RCBTB1: variants seen among roughly 807,000 people sequenced by gnomAD.
RCBTB1 encodes the protein RCC1 and BTB domain-containing protein 1.
In RCBTB1, 46 loss-of-function variants were observed where a neutral mutation model predicts 62.4. The observed-to-expected ratio is 0.74, with a 90% CI of 0.58 to 0.94. The LOEUF is 0.94. Ranked by LOEUF, RCBTB1 falls within the 40% of genes least tolerant of loss-of-function variation. The pLI, the probability that RCBTB1 is intolerant of heterozygous loss-of-function variation, is 0.00. For synonymous variants in RCBTB1, 222 were observed against 245.8 expected (o/e 0.90, Z 0.91); for missense variants, 565 against 654.9 (o/e 0.86, Z 1.50).
At chr13:49,535,125 C>A (rs1959838336) in intron 12 of RCBTB1, among the ~76,000 whole-genome samples, 1 of 152,156 alleles carries the variant, frequency 6.6e-6, no homozygotes, top group Non-Finnish European at 1.5e-5. Flanking sequence ...AACACTACAA[C>A]TTCCACCACA....
intron 4 of RCBTB1, among the ~76,000 whole-genome samples, chr13:49,562,219 G>A (rs899478921): frequency 1.3e-5 from 2 of 151,990 alleles, no homozygotes; most frequent in Non-Finnish European, 2.9e-5. Flanking sequence ...TAAAGATCAA[G>A]AAAGAACACT....
At chr13:49,549,753 A>G in intron 8 of RCBTB1, 105 bp from the exon 9 acceptor site, 1 of 1,471,156 alleles carries the variant, frequency 6.8e-7, no homozygotes, top group Non-Finnish European at 9.0e-7. Context: ...CTCAGAAAAC[A>G]GTCCAAGTTC....
chr13:49,545,814 T>C (rs1960743546), intron 9 of RCBTB1, among the ~76,000 whole-genome samples: 1 of 152,174 alleles, frequency 6.6e-6, no homozygotes, highest in African/African-American at 2.4e-5. Flanking sequence ...CCATTTTCCC[T>C]TGGTAGCGTG....
chr13:49,546,851 C>T (rs1019189797), intron 9 of RCBTB1: 13 of 659,604 alleles, frequency 2.0e-5, no homozygotes, highest in Non-Finnish European at 2.4e-5. Context: ...TGCCGTGCAA[C>T]CCAGTTAATA....
At chr13:49,536,428 T>C (rs1193835906) in intron 12 of RCBTB1, among the ~76,000 whole-genome samples, 1 of 152,238 alleles carries the variant, frequency 6.6e-6, no homozygotes, top group African/African-American at 2.4e-5. Flanking sequence ...ACAAACGCCC[T>C]TCCGACTTGA....
rs1959598110 is a variant in RCBTB1 at position 49,532,001 on chromosome 13, C to T, written c.*2121G>A. On this transcript the variant is annotated 3_prime_UTR_variant, in exon 13 of 13. Transcript: ENST00000378302. ...TGTCGTTCTAAATATTACATAAATA[C>T]AGCTTACATACTAGAGTATCAAACA... 6.6e-6 allele frequency: 1 copy of T among 152,568 alleles called. No homozygotes were observed. Among genetic ancestry groups the T allele is most frequent in the Admixed American group, 6.5e-5 (1 of 15,276 alleles). 9.5% of individuals were successfully genotyped at this position (152,568 alleles called of 1,614,324 possible). A position where few individuals can be genotyped will look rare whatever the true frequency, so the allele number is the denominator to read the frequency against.
intron 12 of RCBTB1, among the ~76,000 whole-genome samples, chr13:49,540,516 G>A (rs1960262281): frequency 6.6e-6 from 1 of 152,232 alleles, no homozygotes; most frequent in Admixed American, 6.5e-5. Flanking sequence ...GAGGTGGAAA[G>A]ACAGCAAGGT....
chr13:49,584,835 C>G lies in RCBTB1; in HGVS notation c.-122+609G>C, dbSNP rs567997783. On this transcript the variant is annotated intron_variant, in intron 1 of 12. Coordinates refer to ENST00000378302, the MANE Select transcript of RCBTB1 (RefSeq NM_018191.4). ...AAAGGCCACTTATGCGAGCAGAACA[C>G]AGCGTGCTCGATAGTCATCTTAAAC... 2.6e-5 allele frequency among the ~76,000 whole-genome samples: 4 copies of G among 152,326 alleles called. No individual in the cohort carries two copies. In the East Asian group the frequency reaches 7.7e-4, roughly 29 times the overall value.
chr13:49,580,714 C>G (rs1463713957), intron 1 of RCBTB1, 130 bp from the exon 2 acceptor site: 2 of 152,134 alleles, frequency 1.3e-5, no homozygotes, highest in Admixed American at 1.3e-4. Flanking sequence ...TGTGGATACC[C>G]CAAAAGTGAT....
Position 49,541,827 on chromosome 13 carries a change from C to T in RCBTB1, c.1173G>A (p.Arg391=). Residue 391 remains arginine, a splice_region_variant and synonymous_variant, in exon 11 of 13, where the codon AGG becomes AGA. Transcript: ENST00000378302. ...GGAACATGGATCGAAAATGCTCACA[C>T]CTAAAACAGCAAAGCAAAAGTCTTA... ...IHVHKAVLKI[R]CEHFRSMFQS... is the part of the protein sequence containing the mutation. 6.2e-7 allele frequency: 1 copy of T among 1,600,394 alleles called. No homozygotes were observed.
At chr13:49,552,105 C>A in intron 7 of RCBTB1, 73 bp downstream of exon 7, 1 of 931,238 alleles carries the variant, frequency 1.1e-6, no homozygotes, top group Non-Finnish European at 1.7e-6. Flanking sequence ...GAAGAGTAAA[C>A]CTCCAATATT....
intron 2 of RCBTB1, among the ~76,000 whole-genome samples, chr13:49,576,151 C>A (rs1304705215): frequency 1.6e-5 from 2 of 123,478 alleles, no homozygotes; most frequent in African/African-American, 6.2e-5. Flanking sequence ...TGCACCACTG[C>A]ACTCCAGCCT....
intron 12 of RCBTB1, 142 bp downstream of exon 12, chr13:49,540,734 G>T: frequency 1.2e-6 from 1 of 817,730 alleles, no homozygotes. Flanking sequence ...AGCAAGGGCA[G>T]ATTTCAGTTT....
chr13:49,565,139 C>T (rs563042907), intron 4 of RCBTB1, among the ~76,000 whole-genome samples: 36 of 152,284 alleles, frequency 2.4e-4, no homozygotes, highest in African/African-American at 7.9e-4. Flanking sequence ...CTCAGCCTGC[C>T]GAGTGCCTGC....
At chr13:49,548,442 G>A (rs1322802298) in intron 9 of RCBTB1, among the ~76,000 whole-genome samples, 1 of 149,968 alleles carries the variant, frequency 6.7e-6, no homozygotes, top group Non-Finnish European at 1.5e-5. Flanking sequence ...ATTATATCAA[G>A]TTCTGTAAGA....
intron 1 of RCBTB1, among the ~76,000 whole-genome samples, chr13:49,581,465 T>C (rs577518343): frequency 6.6e-6 from 1 of 152,308 alleles, no homozygotes; most frequent in Non-Finnish European, 1.5e-5. Context: ...TGAGTCCTAC[T>C]ATGGACATTT....
chr13:49,566,459 C>T lies in RCBTB1; in HGVS notation c.277+159G>A, dbSNP rs565221016. On this transcript the variant is annotated intron_variant, in intron 4 of 12. Transcript: ENST00000378302. ...TCCTATAGCTTTTCCAGAGTTAGCC[C>T]GAAGTGTTTAACTTTCACCTGCTTT... Among the ~76,000 whole-genome samples, 8 of 152,166 alleles carry T rather than the reference C, an allele frequency of 5.3e-5. No homozygotes were observed. In the South Asian group the frequency reaches 1.4e-3, roughly 28 times the overall value.
Position 49,533,179 on chromosome 13 carries a change from A to G in RCBTB1, c.*943T>C, listed in dbSNP as rs1959683995. ...TGTAAGAGGGTTGACTTGAAGAACC[A>G]CTTCTTCCAGTCATATATAGTAGAT... On this transcript the variant is annotated 3_prime_UTR_variant, in exon 13 of 13. Coordinates refer to ENST00000378302, the MANE Select transcript of RCBTB1 (RefSeq NM_018191.4). 1 of 152,198 alleles carries G rather than the reference A, an allele frequency of 6.6e-6. No individual in the cohort carries two copies. The highest frequency in any genetic ancestry group is 6.5e-5 in the Admixed American group (1 of 15,280). 9.4% of individuals were successfully genotyped at this position (152,198 alleles called of 1,614,324 possible).
chr13:49,566,210 T>C, intron 4 of RCBTB1, among the ~76,000 whole-genome samples: 1 of 151,006 alleles, frequency 6.6e-6, no homozygotes, highest in African/African-American at 2.5e-5. Flanking sequence ...TATTGTCCTA[T>C]GACCCTGCCA....
Sources: gnomAD v4.1 joint callset for allele counts (sites outside exome capture counted in the v4.1 genomes callset) on GRCh38, gnomAD v4.1.1 for gene constraint, MANE v1.5 for transcripts, NCBI Gene and HGNC (gene_info 2026-07-23, HGNC 2026-07-21) for gene names.